Variants in TPR observed in about 807,000 individuals in gnomAD.
TPR encodes nucleoprotein TPR.
A neutral mutation model predicts 316.1 loss-of-function variants in TPR; 51 were observed. The observed-to-expected ratio is 0.16, with a 90% CI of 0.13 to 0.20. The LOEUF (loss-of-function observed/expected upper bound fraction) is 0.20. Among genes scored for constraint, TPR ranks in the 10% least tolerant of loss-of-function variants. The probability of loss-of-function intolerance (pLI) is 1.00; values close to 1 mark genes in which losing one functional copy is unlikely to be tolerated. For missense variants in TPR, 2,272 were observed against 2,754.8 expected (o/e 0.82, Z 3.92); for synonymous variants, 981 against 914.7 (o/e 1.07, Z -1.31).
At position 186,353,825 on chromosome 1, in the gene TPR, C is replaced by T; in HGVS notation, c.2197G>A (p.Glu733Lys). The T allele has an allele frequency of 6.2e-7, 1 of 1,613,704 alleles. No homozygotes were observed. The highest frequency in any genetic ancestry group is 1.1e-5 in the South Asian group (1 of 91,006). Residue 733 changes from glutamate (E) to lysine (K), a missense_variant, in exon 18 of 51, where the codon GAA (glutamate) becomes AAA (lysine). By Grantham distance (56) the Glu-to-Lys change is moderately conservative. Transcript: ENST00000367478. ...KRYEMLQDNVEGYRREITSLH... is the reference protein window; with the variant it reads ...KRYEMLQDNVKGYRREITSLH... Reference sequence around the variant, plus strand: ...GATGTTATTTCTCGACGATATCCTTCAACATTATCTTGCAGCATTTCATAA... The same window carrying T: ...GATGTTATTTCTCGACGATATCCTTTAACATTATCTTGCAGCATTTCATAA...
chr1:186,362,990 T>G lies in TPR; in HGVS notation c.543A>C (p.Lys181Asn). 1 of 1,600,158 alleles carries G rather than the reference T, an allele frequency of 6.2e-7. No individual in the cohort carries two copies. The highest frequency in any genetic ancestry group is 1.8e-5 in the Admixed American group (1 of 56,988). ...ASDVSVKYRE[K>N]RLEQEKELLH... ...GCAATTCCTTTTCTTGCTCCAAGCG[T>G]TTTTCTCGATACTAAAGAAATCCAA... The change falls in exon 6 of 51, where the codon AAA becomes AAC. Residue 181 changes from lysine (K) to asparagine (N), a missense_variant. By Grantham distance (94) the Lys-to-Asn change is moderately conservative. Coordinates refer to ENST00000367478, the MANE Select transcript of TPR (RefSeq NM_003292.3).
Position 186,312,132 on chromosome 1 carries a change from AAATT to A in TPR, c.*1835_*1838del, listed in dbSNP as rs769585191. Reference sequence around the variant, plus strand: ...TTTTCCACCTTTTCTGAGGGTATTAAAATTAATTTTCATTTTCCATGTGATATTC... The same window carrying A: ...TTTTCCACCTTTTCTGAGGGTATTAAAATTTTCATTTTCCATGTGATATTC... On this transcript the variant is annotated 3_prime_UTR_variant, in exon 51 of 51. Coordinates refer to ENST00000367478, the MANE Select transcript of TPR (RefSeq NM_003292.3). The A allele has an allele frequency of 2.5e-6, 4 of 1,574,620 alleles. No homozygotes were observed. Among genetic ancestry groups the A allele is most frequent in the Non-Finnish European group, 3.5e-6 (4 of 1,145,238 alleles).
At chr1:186,346,974 C>CGAA (rs1198828134) in intron 22 of TPR, among the ~76,000 whole-genome samples, 7 of 152,178 alleles carry the variant, frequency 4.6e-5, no homozygotes, top group Admixed American at 4.6e-4. Context: ...CAGATACCTT[C>CGAA]ATTCAAGGCT....
intron 1 of TPR, among the ~76,000 whole-genome samples, chr1:186,373,914 T>C (rs889004140): frequency 6.6e-6 from 1 of 152,224 alleles, no homozygotes; most frequent in African/African-American, 2.4e-5. Flanking sequence ...AGTAAATGTG[T>C]AAACTTTCCA....
Position 186,352,056 on chromosome 1 carries a change from G to T in TPR, c.2389C>A (p.Arg797Ser). 5 of 1,609,560 alleles carry T rather than the reference G, an allele frequency of 3.1e-6. No homozygotes were observed. The highest frequency in any genetic ancestry group is 4.2e-6 in the Non-Finnish European group (5 of 1,178,322). The change falls in exon 19 of 51, where the codon CGT becomes AGT. Residue 797 changes from arginine (R) to serine (S), a missense_variant. Around this residue, in one of 10 missense-constraint regions of TPR, gnomAD observed 757 missense variants for 859.8 expected, o/e 0.88. Transcript: ENST00000367478. ...EKEMLKLSEV[R>S]LSQQRESLLA... ...AAAGACTCTCTTTGCTGAGAAAGAC[G>T]AACTTCAGACAATTTAAGCATTTCC...
intron 21 of TPR, among the ~76,000 whole-genome samples, chr1:186,349,241 C>T (rs1658772806): frequency 6.6e-6 from 1 of 152,188 alleles, no homozygotes; most frequent in African/African-American, 2.4e-5. Context: ...ATTTACTGAA[C>T]AAATACTATA....
chr1:186,313,549 C>A lies in TPR; in HGVS notation c.*422G>T. On this transcript the variant is annotated 3_prime_UTR_variant, in exon 51 of 51. Coordinates refer to ENST00000367478, the MANE Select transcript of TPR (RefSeq NM_003292.3). ...TTGTTTTTCTTTTTGTTATAAAGTT[C>A]AAATTAATTAGTAAAAACATCTCTA... 1.6e-6 allele frequency: 1 copy of A among 619,170 alleles called. No individual in the cohort carries two copies. 38.4% of individuals were successfully genotyped at this position (619,170 alleles called of 1,614,324 possible).
At chr1:186,344,200 T>C in intron 25 of TPR, 110 bp from the exon 26 acceptor site, 1 of 1,409,946 alleles carries the variant, frequency 7.1e-7, no homozygotes, top group Non-Finnish European at 9.5e-7. Context: ...CTTGGGAGGC[T>C]GAGGCAGGAG....
intron 23 of TPR, among the ~76,000 whole-genome samples, 162 bp from the exon 24 acceptor site, chr1:186,345,858 T>C (rs1658662512): frequency 6.6e-6 from 1 of 152,178 alleles, no homozygotes; most frequent in Admixed American, 6.5e-5. Flanking sequence ...TAATCAGTTT[T>C]GCAACTCCAT....
intron 31 of TPR, 144 bp downstream of exon 31, chr1:186,337,889 A>T: frequency 1.4e-6 from 1 of 711,078 alleles, no homozygotes; most frequent in Non-Finnish European, 2.2e-6. Flanking sequence ...CAGACATATT[A>T]AAGAACTAAT....
In TPR at chr1:186,355,670, T is replaced by C. The variant is rs1425114036; in HGVS notation, c.1987A>G (p.Thr663Ala). The C allele has an allele frequency of 6.2e-7, 1 of 1,614,156 alleles. No individual in the cohort carries two copies. The highest frequency in any genetic ancestry group is 8.5e-7 in the Non-Finnish European group (1 of 1,180,006). Residue 663 changes from threonine to alanine, a missense_variant, in exon 16 of 51, where the codon ACA (threonine) becomes GCA (alanine). Thr to Ala is a moderately conservative substitution (Grantham distance 58). Around this residue, in one of 10 missense-constraint regions of TPR, gnomAD observed 757 missense variants for 859.8 expected, o/e 0.88. Transcript: ENST00000367478. ...GCAGCCTTAGCCTCTATAGCCTCTG[T>C]TGATTCAATAACAGGTACTGGAGCA... ...TPAPVPVIES[T>A]EAIEAKAALK... is the part of the protein sequence containing the mutation.
At chr1:186,344,313 A>T in intron 25 of TPR, 62 bp downstream of exon 25, 1 of 1,566,520 alleles carries the variant, frequency 6.4e-7, no homozygotes, top group South Asian at 1.2e-5. Flanking sequence ...AACATTATAA[A>T]ATAAAGAAAA....
At chr1:186,350,505 C>G (rs527580244) in intron 20 of TPR, 117 bp from the exon 21 acceptor site, 6 of 746,380 alleles carry the variant, frequency 8.0e-6, no homozygotes, top group Non-Finnish European at 1.2e-5. Context: ...ACAGATTTAC[C>G]GTCACACCTG....
intron 4 of TPR, among the ~76,000 whole-genome samples, chr1:186,364,309 C>T (rs1213111955): frequency 6.6e-6 from 1 of 151,708 alleles, no homozygotes; most frequent in Non-Finnish European, 1.5e-5. Context: ...TTGATATGTA[C>T]CACAGATTGA....
At chr1:186,327,394 T>C (rs1658033851) in intron 40 of TPR, 66 bp downstream of exon 40, 1 of 1,503,186 alleles carries the variant, frequency 6.7e-7, no homozygotes, top group Non-Finnish European at 9.1e-7. Flanking sequence ...TGCATTAGTA[T>C]CCCAAGGATT....
In TPR at chr1:186,334,316, T is replaced by C. The variant is rs771306460; in HGVS notation, c.5182+9A>G. 1 of 1,607,640 alleles carries C rather than the reference T, an allele frequency of 6.2e-7. No homozygotes were observed. The highest frequency in any genetic ancestry group is 8.5e-7 in the Non-Finnish European group (1 of 1,176,342). Reference sequence around the variant, plus strand: ...AGCAGTCTCATCAGATCTGTATTATTTTACTAACCTTCCTGTGATTCCACT... The same window carrying C: ...AGCAGTCTCATCAGATCTGTATTATCTTACTAACCTTCCTGTGATTCCACT... On this transcript the variant is annotated intron_variant, in intron 36 of 50. Coordinates refer to ENST00000367478, the MANE Select transcript of TPR (RefSeq NM_003292.3).
Position 186,312,226 on chromosome 1 carries a change from C to T in TPR, c.*1745G>A. 1 of 1,613,986 alleles carries T rather than the reference C, an allele frequency of 6.2e-7. No homozygotes were observed. Among genetic ancestry groups the T allele is most frequent in the Non-Finnish European group, 8.5e-7 (1 of 1,179,958 alleles). On this transcript the variant is annotated 3_prime_UTR_variant, in exon 51 of 51. Transcript: ENST00000367478. ...AAACAGGAACCTGTACAGAAGTGCC[C>T]TGGAAGAAGGCCTGCTCTAAATTAT...
chr1:186,359,662 T>C (rs1659123820), intron 12 of TPR, 137 bp downstream of exon 12: 2 of 837,192 alleles, frequency 2.4e-6, no homozygotes, highest in African/African-American at 1.8e-5. Context: ...CAGCAGTGTT[T>C]AATAAGTTTC....
intron 39 of TPR, among the ~76,000 whole-genome samples, 198 bp downstream of exon 39, chr1:186,331,300 T>C (rs1404896775): frequency 1.3e-5 from 2 of 151,918 alleles, no homozygotes; most frequent in Non-Finnish European, 2.9e-5. Context: ...ATTTCTTTAA[T>C]ATAAGTTTAG....
Sources: allele counts gnomAD v4.1 joint callset (sites outside exome capture counted in the v4.1 genomes callset), GRCh38; gene constraint gnomAD v4.1.1; regional missense constraint gnomAD v4.1.1; transcripts MANE v1.5; gene names NCBI Gene and HGNC (gene_info 2026-07-23, HGNC 2026-07-21).